Variants in HPSE2 observed in about 807,000 individuals in gnomAD.
HPSE2 encodes heparanase 2 (inactive).
HPSE2 carries 38 observed loss-of-function variants against 60.5 expected under a neutral mutation model. The observed-to-expected ratio is 0.63, with a 90% CI of 0.48 to 0.82. The LOEUF (loss-of-function observed/expected upper bound fraction) is 0.82, where lower values mean the gene tolerates loss of function less well. Among genes scored for constraint, HPSE2 ranks in the 40% least tolerant of loss-of-function variants. HPSE2 has a pLI of 0.00. For missense variants in HPSE2, 713 were observed against 740.4 expected (o/e 0.96, Z 0.43); for synonymous variants, 295 against 293.2 (o/e 1.01, Z -0.06).
chr10:99,314,576 A>G, the HPSE2 span, among the ~76,000 whole-genome samples: 1 of 152,220 alleles, frequency 6.6e-6, no homozygotes, highest in Non-Finnish European at 1.5e-5. Flanking sequence ...TGGGAAACCA[A>G]AAACTTTGAC....
intron 3 of HPSE2, among the ~76,000 whole-genome samples, chr10:98,989,389 C>T (rs577328093): frequency 1.3e-5 from 2 of 151,722 alleles, no homozygotes; most frequent in South Asian, 2.1e-4. Flanking sequence ...AGCAAACTAT[C>T]GCAAGGACAA....
At chr10:98,907,806 G>C (rs975119771) in intron 3 of HPSE2, among the ~76,000 whole-genome samples, 8 of 140,368 alleles carry the variant, frequency 5.7e-5, no homozygotes, top group Non-Finnish European at 1.0e-4. Context: ...ATGAGATATG[G>C]TATAAAAGTA....
intron 3 of HPSE2, among the ~76,000 whole-genome samples, chr10:98,857,880 T>C (rs1478634096): frequency 3.3e-5 from 5 of 152,108 alleles, no homozygotes; most frequent in Admixed American, 1.3e-4. Flanking sequence ...GCATAAAACA[T>C]AATGCAATCT....
intron 3 of HPSE2, among the ~76,000 whole-genome samples, chr10:98,958,718 C>G (rs1481953000): frequency 6.6e-6 from 1 of 152,066 alleles, no homozygotes; most frequent in African/African-American, 2.4e-5. Flanking sequence ...TGTGCTCTAA[C>G]AGCTTCTTAT....
chr10:98,482,254 G>GTTC (rs1941264861), intron 11 of HPSE2, among the ~76,000 whole-genome samples: 1 of 152,150 alleles, frequency 6.6e-6, no homozygotes, highest in African/African-American at 2.4e-5. Flanking sequence ...GAGGGACATG[G>GTTC]TTCTCAACTA....
chr10:99,229,813 C>CATCTTGGCAT (rs1849587897), intron 2 of HPSE2, among the ~76,000 whole-genome samples: 1 of 152,172 alleles, frequency 6.6e-6, no homozygotes, highest in African/African-American at 2.4e-5. Context: ...TGCCCAAGTG[C>CATCTTGGCAT]TTACTACAGG....
At chr10:99,053,785 G>C (rs552649519) in intron 3 of HPSE2, among the ~76,000 whole-genome samples, 41 of 126,544 alleles carry the variant, frequency 3.2e-4, no homozygotes, top group African/African-American at 1.1e-3. Flanking sequence ...CTGGAGTGCA[G>C]TGGTACAATC....
intron 9 of HPSE2, among the ~76,000 whole-genome samples, chr10:98,518,974 A>C (rs1942695915): frequency 1.3e-5 from 2 of 152,216 alleles, no homozygotes; most frequent in South Asian, 4.1e-4. Flanking sequence ...CAATCAAAAG[A>C]ACAAGCTGAG....
chr10:98,696,959 A>G (rs1565088128), intron 5 of HPSE2, among the ~76,000 whole-genome samples: 5 of 152,208 alleles, frequency 3.3e-5, no homozygotes, highest in African/African-American at 1.2e-4. Context: ...CAACAGCATC[A>G]ACAAAAAAAT....
chr10:99,062,619 T>A (rs1842481754), intron 3 of HPSE2, among the ~76,000 whole-genome samples: 1 of 152,020 alleles, frequency 6.6e-6, no homozygotes, highest in African/African-American at 2.4e-5. Context: ...AAACCTTATA[T>A]CTGGAATCAA....
the HPSE2 span, among the ~76,000 whole-genome samples, chr10:99,292,399 G>A: frequency 6.6e-6 from 1 of 152,190 alleles, no homozygotes; most frequent in South Asian, 2.1e-4. Context: ...TCTGAGTCAT[G>A]AGAAGTTTGT....
At position 98,995,468 on chromosome 10, in the gene HPSE2, T is replaced by C. The variant is rs973254836; in HGVS notation, c.610+148770A>G. ...ATGTATCCCCCTTCAGGTTTGTTTTTTCAGTGTCCAGAAAAACTTAGTTCA... is the reference window on the plus strand; with the variant it reads ...ATGTATCCCCCTTCAGGTTTGTTTTCTCAGTGTCCAGAAAAACTTAGTTCA... On this transcript the variant is annotated intron_variant, in intron 3 of 11. Coordinates refer to ENST00000370552, the MANE Select transcript of HPSE2 (RefSeq NM_021828.5). Among the ~76,000 whole-genome samples, 5 of 152,176 alleles carry C rather than the reference T, an allele frequency of 3.3e-5. No individual in the cohort carries two copies. The East Asian group carries it at 9.6e-4, about 29-fold the overall frequency.
intron 3 of HPSE2, among the ~76,000 whole-genome samples, chr10:99,130,194 T>C (rs142661738): frequency 6.2e-4 from 94 of 152,008 alleles, no homozygotes; most frequent in African/African-American, 2.0e-3. Flanking sequence ...CTGAATTCTA[T>C]TGAACATTGA....
intron 2 of HPSE2, among the ~76,000 whole-genome samples, chr10:99,191,882 A>G (rs1848234634): frequency 6.6e-6 from 1 of 152,216 alleles, no homozygotes; most frequent in Non-Finnish European, 1.5e-5. Flanking sequence ...ATTCAAGATG[A>G]CATAAAGAAG....
At chr10:98,464,610 T>A (rs1349050792) in intron 11 of HPSE2, among the ~76,000 whole-genome samples, 1 of 152,256 alleles carries the variant, frequency 6.6e-6, no homozygotes, top group Non-Finnish European at 1.5e-5. Context: ...GTTACTTGTT[T>A]GATCCCTCAC....
At chr10:99,156,273 C>G (rs1462499179) in intron 2 of HPSE2, among the ~76,000 whole-genome samples, 1 of 119,496 alleles carries the variant, frequency 8.4e-6, no homozygotes, top group African/African-American at 2.7e-5. Context: ...ATTCTGATAC[C>G]AAAGCCGGGC....
At chr10:99,058,382 A>C (rs1210874834) in intron 3 of HPSE2, among the ~76,000 whole-genome samples, 1 of 152,188 alleles carries the variant, frequency 6.6e-6, no homozygotes, top group Non-Finnish European at 1.5e-5. Flanking sequence ...TTGTGTTGTC[A>C]CTTCCATTTC....
At chr10:99,075,619 G>A (rs1186244384) in intron 3 of HPSE2, among the ~76,000 whole-genome samples, 1 of 151,916 alleles carries the variant, frequency 6.6e-6, no homozygotes, top group Non-Finnish European at 1.5e-5. Flanking sequence ...ATTGAAAGTG[G>A]GATACTGAAG....
intron 5 of HPSE2, among the ~76,000 whole-genome samples, chr10:98,702,917 G>A (rs1160531289): frequency 1.3e-5 from 2 of 150,828 alleles, no homozygotes; most frequent in Non-Finnish European, 3.0e-5. Flanking sequence ...CAGAAGAGAA[G>A]AAATAACTAA....
Sources: gnomAD v4.1 joint callset for allele counts (sites outside exome capture counted in the v4.1 genomes callset) on GRCh38, gnomAD v4.1.1 for gene constraint, MANE v1.5 for transcripts, NCBI Gene and HGNC (gene_info 2026-07-23, HGNC 2026-07-21) for gene names.